SLC10A7: variants seen among roughly 807,000 people sequenced by gnomAD.
The protein encoded by SLC10A7 is solute carrier family 10 member 7.
SLC10A7 carries 29 observed loss-of-function variants against 43.2 expected under a neutral mutation model. The observed-to-expected ratio is 0.67, with a 90% CI of 0.50 to 0.92. The LOEUF (loss-of-function observed/expected upper bound fraction) is 0.92. Among genes scored for constraint, SLC10A7 ranks in the 40% least tolerant of loss-of-function variants. The pLI, the probability that SLC10A7 is intolerant of heterozygous loss-of-function variation, is 0.00. For missense variants in SLC10A7, 295 were observed against 403.2 expected (o/e 0.73, Z 2.30); for synonymous variants, 152 against 144.8 (o/e 1.05, Z -0.35).
intron 9 of SLC10A7, among the ~76,000 whole-genome samples, chr4:146,288,410 C>T (rs973607211): frequency 6.6e-6 from 1 of 152,168 alleles, no homozygotes; most frequent in Non-Finnish European, 1.5e-5. Flanking sequence ...TATTGCTCTG[C>T]TTTTTCCAAA....
At chr4:146,279,047 A>C (rs2111095439) in intron 10 of SLC10A7, among the ~76,000 whole-genome samples, 1 of 152,286 alleles carries the variant, frequency 6.6e-6, no homozygotes, top group South Asian at 2.1e-4. Context: ...TATACAGTGG[A>C]CTTTTAATAA....
chr4:146,279,806 T>A (rs1729430773), intron 10 of SLC10A7, among the ~76,000 whole-genome samples: 1 of 152,144 alleles, frequency 6.6e-6, no homozygotes, highest in African/African-American at 2.4e-5. Context: ...ATAGGAAGCC[T>A]TATAATTAAA....
At chr4:146,402,973 T>A (rs1376696969) in intron 5 of SLC10A7, among the ~76,000 whole-genome samples, 1 of 152,058 alleles carries the variant, frequency 6.6e-6, no homozygotes, top group Admixed American at 6.6e-5. Context: ...CTTGCAAAAA[T>A]TTTCTAACTT....
At chr4:146,490,616 C>G (rs1735311471) in intron 4 of SLC10A7, among the ~76,000 whole-genome samples, 2 of 152,164 alleles carry the variant, frequency 1.3e-5, no homozygotes, top group Non-Finnish European at 1.5e-5. Flanking sequence ...AACATTGTCT[C>G]AGGGTCCACA....
chr4:146,358,357 C>A (rs969580825), intron 5 of SLC10A7, among the ~76,000 whole-genome samples: 4 of 152,086 alleles, frequency 2.6e-5, no homozygotes, highest in Non-Finnish European at 5.9e-5. Flanking sequence ...GGATTAGAAA[C>A]TGAAGTTTTG....
intron 4 of SLC10A7, among the ~76,000 whole-genome samples, chr4:146,468,998 G>C (rs115660075): frequency 1.3e-5 from 2 of 152,054 alleles, no homozygotes; most frequent in Non-Finnish European, 2.9e-5. Context: ...TTCTAATTAG[G>C]ATTGCAGTTT....
chr4:146,322,465 C>T (rs1341366674), intron 6 of SLC10A7, among the ~76,000 whole-genome samples: 21 of 148,500 alleles, frequency 1.4e-4, no homozygotes, highest in African/African-American at 3.2e-4. Context: ...TCAGAACATG[C>T]GGTGTTTGGT....
chr4:146,341,376 C>T (rs1734251008), intron 5 of SLC10A7, among the ~76,000 whole-genome samples: 1 of 151,622 alleles, frequency 6.6e-6, no homozygotes, highest in Admixed American at 6.6e-5. Context: ...CAAACCCCCC[C>T]AAAACCAAAA....
At chr4:146,295,061 G>T (rs9784489) in intron 7 of SLC10A7, among the ~76,000 whole-genome samples, 123,797 of 152,126 alleles carry the variant, frequency 0.81, 51,087 homozygotes, top group African/African-American at 0.94. Context: ...TCCTGATAAG[G>T]CTGATGGGGT....
intron 4 of SLC10A7, among the ~76,000 whole-genome samples, chr4:146,486,809 T>A (rs552049534): frequency 6.6e-6 from 1 of 152,212 alleles, no homozygotes; most frequent in East Asian, 1.9e-4. Context: ...GGCAGTCTTC[T>A]CTTTTAAATC....
intron 4 of SLC10A7, among the ~76,000 whole-genome samples, chr4:146,461,437 G>A (rs558918493): frequency 6.6e-6 from 1 of 152,024 alleles, no homozygotes; most frequent in East Asian, 1.9e-4. Context: ...ATAAAGTAAG[G>A]CCCAGTAAGC....
chr4:146,508,579 T>C (rs1211465887), intron 3 of SLC10A7, among the ~76,000 whole-genome samples: 1 of 152,178 alleles, frequency 6.6e-6, no homozygotes, highest in African/African-American at 2.4e-5. Flanking sequence ...CAGTGGTTCA[T>C]ACCTAAAACC....
chr4:146,432,508 C>T (rs768612595), intron 5 of SLC10A7, among the ~76,000 whole-genome samples: 72 of 152,016 alleles, frequency 4.7e-4, no homozygotes, highest in Non-Finnish European at 5.4e-4. Context: ...AAGCATATAC[C>T]GTGTGATTCC....
chr4:146,506,593 C>T (rs1736925366), intron 3 of SLC10A7, among the ~76,000 whole-genome samples: 1 of 152,086 alleles, frequency 6.6e-6, no homozygotes, highest in South Asian at 2.1e-4. Context: ...ACCAGTAATC[C>T]CCAAATCACC....
chr4:146,478,237 C>A (rs957645838), intron 4 of SLC10A7: 1 of 152,174 alleles, frequency 6.6e-6, no homozygotes, highest in African/African-American at 2.4e-5. Context: ...CATCTGGCTA[C>A]TTTGTTGTTT....
At chr4:146,307,185 C>A (rs762025500) in intron 6 of SLC10A7, among the ~76,000 whole-genome samples, 1 of 152,146 alleles carries the variant, frequency 6.6e-6, no homozygotes, top group African/African-American at 2.4e-5. Context: ...CAGCTCCAGC[C>A]CCAATCTGCA....
chr4:146,437,734 C>T (rs1317635267), intron 5 of SLC10A7, among the ~76,000 whole-genome samples: 1 of 152,006 alleles, frequency 6.6e-6, no homozygotes, highest in South Asian at 2.1e-4. Flanking sequence ...TTATCTAGTA[C>T]CACCTTTAAG....
intron 4 of SLC10A7, among the ~76,000 whole-genome samples, chr4:146,446,762 A>G (rs968783121): frequency 6.6e-5 from 10 of 151,772 alleles, no homozygotes; most frequent in African/African-American, 2.4e-4. Context: ...CTATCTATCT[A>G]TCTATCTATC....
chr4:146,493,246 G>A (rs1247074059), intron 4 of SLC10A7, among the ~76,000 whole-genome samples: 2 of 152,326 alleles, frequency 1.3e-5, no homozygotes, highest in African/African-American at 4.8e-5. Flanking sequence ...AGTTAGAAGT[G>A]TGTTGTTGTT....
Sources: gnomAD v4.1 joint callset for allele counts (sites outside exome capture counted in the v4.1 genomes callset) on GRCh38, gnomAD v4.1.1 for gene constraint, MANE v1.5 for transcripts, NCBI Gene and HGNC (gene_info 2026-07-23, HGNC 2026-07-21) for gene names.